The following CSMD1 variants were observed in gnomAD, a reference collection of about 807,000 sequenced individuals.
CSMD1 encodes the protein CUB and sushi domain-containing protein 1.
A neutral mutation model predicts 417.5 loss-of-function variants in CSMD1; 213 were observed. The ratio of observed to expected loss-of-function variants is 0.51; its 90% CI spans 0.46 to 0.57. The LOEUF (loss-of-function observed/expected upper bound fraction) is 0.57. Ranked by LOEUF, CSMD1 falls within the 20% of genes least tolerant of loss-of-function variation. The pLI is 0.00. For synonymous variants in CSMD1, 2,862 were observed against 1,736.8 expected (o/e 1.65, Z -16.11); for missense variants, 6,923 against 4,529.7 (o/e 1.53, Z -15.17).
intron 21 of CSMD1, among the ~76,000 whole-genome samples, chr8:3,356,659 G>C (rs1054906799): frequency 2.0e-5 from 3 of 152,032 alleles, no homozygotes; most frequent in South Asian, 2.1e-4. Flanking sequence ...TGGGTGACAA[G>C]AACAAAACTC....
At chr8:3,115,565 A>C (rs1315486186) in intron 42 of CSMD1, among the ~76,000 whole-genome samples, 1 of 152,206 alleles carries the variant, frequency 6.6e-6, no homozygotes, top group Non-Finnish European at 1.5e-5. Flanking sequence ...TACTGACAGA[A>C]AAATAATGTC....
intron 2 of CSMD1, among the ~76,000 whole-genome samples, chr8:4,460,315 G>A (rs1355331178): frequency 6.6e-6 from 1 of 152,054 alleles, no homozygotes; most frequent in African/African-American, 2.4e-5. Context: ...ACATCAAAAT[G>A]TATGAAATGC....
chr8:4,043,609 C>T (rs937704563), intron 3 of CSMD1, among the ~76,000 whole-genome samples: 4 of 152,202 alleles, frequency 2.6e-5, no homozygotes, highest in African/African-American at 9.7e-5. Flanking sequence ...AATAGCCAAA[C>T]TGGAATTTCA....
At chr8:3,505,468 A>G (rs1041032948) in intron 10 of CSMD1, among the ~76,000 whole-genome samples, 3 of 152,316 alleles carry the variant, frequency 2.0e-5, no homozygotes, top group Non-Finnish European at 4.4e-5. Context: ...ACGACTGATT[A>G]AAGAGTTGAG....
intron 1 of CSMD1, among the ~76,000 whole-genome samples, chr8:4,791,741 G>C (rs1468276850): frequency 2.6e-5 from 4 of 152,118 alleles, no homozygotes; most frequent in Non-Finnish European, 4.4e-5. Flanking sequence ...TGACGAAGAA[G>C]TTCAATTTCC....
chr8:3,537,633 T>A (rs77916174), intron 10 of CSMD1, among the ~76,000 whole-genome samples: 1,781 of 152,304 alleles, frequency 0.012, 41 homozygotes, highest in African/African-American at 0.04. Flanking sequence ...TTAATGAAAT[T>A]TATGTAGCAT....
intron 5 of CSMD1, among the ~76,000 whole-genome samples, chr8:3,822,871 G>C (rs1484762573): frequency 6.6e-6 from 1 of 152,072 alleles, no homozygotes; most frequent in African/African-American, 2.4e-5. Flanking sequence ...TTAGAATTTA[G>C]TGTGTCTAAA....
chr8:3,382,040 C>A (rs1489569935), intron 18 of CSMD1, among the ~76,000 whole-genome samples: 1 of 152,036 alleles, frequency 6.6e-6, no homozygotes, highest in Non-Finnish European at 1.5e-5. Flanking sequence ...GGCAGATTAC[C>A]TGAGGTCAGG....
intron 1 of CSMD1, among the ~76,000 whole-genome samples, chr8:4,905,700 G>A (rs557738545): frequency 1.6e-4 from 24 of 151,678 alleles, no homozygotes; most frequent in Admixed American, 5.9e-4. Context: ...GGCGCCTGTA[G>A]TCCCAGCTCC....
At chr8:3,301,951 T>G (rs1401743568) in intron 25 of CSMD1, among the ~76,000 whole-genome samples, 1 of 152,068 alleles carries the variant, frequency 6.6e-6, no homozygotes, top group Non-Finnish European at 1.5e-5. Flanking sequence ...TTTTTTTCAG[T>G]GTCTCGTCTA....
At chr8:4,969,367 C>T (rs1810096538) in intron 1 of CSMD1, among the ~76,000 whole-genome samples, 1 of 151,688 alleles carries the variant, frequency 6.6e-6, no homozygotes, top group African/African-American at 2.4e-5. Context: ...CATTGTACCC[C>T]AGATAAAACG....
rs938029582 is a variant in CSMD1 at position 3,916,043 on chromosome 8, G to A, written c.818+81860C>T. Among the ~76,000 whole-genome samples the A allele has an allele frequency of 2.6e-5, 4 of 151,478 alleles. No homozygotes were observed. In the East Asian group the frequency reaches 7.8e-4, roughly 30 times the overall value. On this transcript the variant is annotated intron_variant, in intron 5 of 69. Coordinates refer to ENST00000635120, the MANE Select transcript of CSMD1 (RefSeq NM_033225.6). ...GTCACTGCAGACACAAGACAAATGG[G>A]TAACATAATACTTTGCTTTTCAAAG...
intron 5 of CSMD1, among the ~76,000 whole-genome samples, chr8:3,761,763 C>T (rs547881881): frequency 1.3e-5 from 2 of 152,230 alleles, no homozygotes; most frequent in East Asian, 3.9e-4. Context: ...GCTTAGGCCT[C>T]CTAAAGTGCT....
chr8:3,829,218 C>A (rs1308212220), intron 5 of CSMD1, among the ~76,000 whole-genome samples: 2 of 152,086 alleles, frequency 1.3e-5, no homozygotes, highest in African/African-American at 2.4e-5. Context: ...TCCATTGTAT[C>A]CTTCTTATGC....
At chr8:3,451,293 T>G (rs1815696590) in intron 12 of CSMD1, among the ~76,000 whole-genome samples, 2 of 152,232 alleles carry the variant, frequency 1.3e-5, no homozygotes, top group Non-Finnish European at 2.9e-5. Context: ...GTAGTTTCTT[T>G]TGCTGCACAG....
intron 5 of CSMD1, among the ~76,000 whole-genome samples, chr8:3,782,559 T>C (rs1410733633): frequency 6.6e-6 from 1 of 152,162 alleles, no homozygotes; most frequent in Non-Finnish European, 1.5e-5. Flanking sequence ...GATGAGTTGA[T>C]GGGCGCAGCA....
At chr8:3,893,481 C>G (rs1283921156) in intron 5 of CSMD1, among the ~76,000 whole-genome samples, 1 of 151,050 alleles carries the variant, frequency 6.6e-6, no homozygotes, top group East Asian at 2.0e-4. Context: ...AAAGCAAAAG[C>G]AAAACCAGAA....
chr8:2,979,011 G>A (rs1344637102), intron 54 of CSMD1, among the ~76,000 whole-genome samples: 3 of 152,186 alleles, frequency 2.0e-5, no homozygotes, highest in African/African-American at 7.2e-5. Context: ...GACCACGATA[G>A]CAATTTTCAC....
At chr8:4,846,156 G>A (rs903900455) in intron 1 of CSMD1, among the ~76,000 whole-genome samples, 1 of 152,108 alleles carries the variant, frequency 6.6e-6, no homozygotes, top group Non-Finnish European at 1.5e-5. Flanking sequence ...GCATACTATT[G>A]TGTATGAAAA....
Sources: gnomAD v4.1 joint callset for allele counts (sites outside exome capture counted in the v4.1 genomes callset) on GRCh38, gnomAD v4.1.1 for gene constraint, MANE v1.5 for transcripts, NCBI Gene and HGNC (gene_info 2026-07-23, HGNC 2026-07-21) for gene names.